Variants in KSR2 observed in about 807,000 individuals in gnomAD.
The protein encoded by KSR2 is kinase suppressor of ras 2.
KSR2 carries 25 observed loss-of-function variants against 107.8 expected under a neutral mutation model. The ratio of observed to expected loss-of-function variants is 0.23; its 90% CI spans 0.17 to 0.32. The LOEUF is 0.32. Among genes scored for constraint, KSR2 ranks in the 10% least tolerant of loss-of-function variants. The probability of loss-of-function intolerance (pLI) is 1.00; values close to 1 mark genes in which losing one functional copy is unlikely to be tolerated. For synonymous variants in KSR2, 480 were observed against 507.0 expected, an observed-to-expected ratio of 0.95 and a Z score of 0.71; for missense variants, 887 against 1,268.9, an observed-to-expected ratio of 0.70 and a Z score of 4.57.
At chr12:117,774,197 C>T (rs1282859179) in intron 3 of KSR2, among the ~76,000 whole-genome samples, 1 of 152,068 alleles carries the variant, frequency 6.6e-6, no homozygotes, top group Non-Finnish European at 1.5e-5. Context: ...TCTGACCTCC[C>T]GAAAGTCAAA....
intron 1 of KSR2, among the ~76,000 whole-genome samples, chr12:117,930,526 T>C (rs915712239): frequency 6.6e-6 from 1 of 152,172 alleles, no homozygotes; most frequent in Non-Finnish European, 1.5e-5. Context: ...TACCTGCCCA[T>C]GGGCCACACT....
chr12:117,833,880 G>A (rs73215967), intron 3 of KSR2, among the ~76,000 whole-genome samples: 3,769 of 152,028 alleles, frequency 0.025, 64 homozygotes, highest in Non-Finnish European at 0.036. Flanking sequence ...ACCTGGCGGG[G>A]CACTTTGGGA....
At chr12:117,840,672 A>G (rs1892431109) in intron 3 of KSR2, among the ~76,000 whole-genome samples, 1 of 152,068 alleles carries the variant, frequency 6.6e-6, no homozygotes, top group Non-Finnish European at 1.5e-5. Flanking sequence ...CTGGGATTAC[A>G]GGCGTAAGCC....
intron 16 of KSR2, among the ~76,000 whole-genome samples, chr12:117,480,198 C>T (rs947181465): frequency 6.6e-6 from 1 of 152,104 alleles, no homozygotes; most frequent in Non-Finnish European, 1.5e-5. Context: ...TTGGGGTGCC[C>T]CTGCCAAAGG....
chr12:117,934,050 A>G (rs920538398), intron 1 of KSR2, among the ~76,000 whole-genome samples: 2 of 152,192 alleles, frequency 1.3e-5, no homozygotes, highest in Non-Finnish European at 2.9e-5. Flanking sequence ...AGACATTCCT[A>G]GTAATATGTT....
At chr12:117,832,175 T>G (rs1891998861) in intron 3 of KSR2, among the ~76,000 whole-genome samples, 1 of 152,128 alleles carries the variant, frequency 6.6e-6, no homozygotes. Context: ...TCCTAGCTAC[T>G]GGGGAGGGTG....
At chr12:117,782,573 A>C (rs2136948431) in intron 3 of KSR2, among the ~76,000 whole-genome samples, 1 of 152,306 alleles carries the variant, frequency 6.6e-6, no homozygotes, top group Middle Eastern at 3.4e-3. Context: ...CCAGAAACAA[A>C]TATTTTTAAA....
Position 117,528,898 on chromosome 12 carries a change from G to A in KSR2, c.1803-1779C>T, listed in dbSNP as rs189017221. On this transcript the variant is annotated intron_variant, in intron 12 of 19. Coordinates refer to ENST00000339824, the MANE Select transcript of KSR2 (RefSeq NM_173598.6). ...CAAGCAGCTATTGACTCTGTTTTTC[G>A]CTGGTACCTCTGGACTGTCAGTTAA... Among the ~76,000 whole-genome samples the A allele has an allele frequency of 2.4e-3, 368 of 152,278 alleles. 1 individual carries two copies. The highest frequency in any genetic ancestry group is 7.9e-3 in the African/African-American group (328 of 41,548).
intron 3 of KSR2, among the ~76,000 whole-genome samples, chr12:117,839,317 G>A (rs188008109): frequency 5.4e-4 from 82 of 152,322 alleles, no homozygotes; most frequent in Non-Finnish European, 1.1e-3. Flanking sequence ...GCTGCGTTTA[G>A]AGTGTACGGT....
At chr12:117,773,604 C>T (rs1481236407) in intron 3 of KSR2, among the ~76,000 whole-genome samples, 1 of 152,170 alleles carries the variant, frequency 6.6e-6, no homozygotes, top group Non-Finnish European at 1.5e-5. Flanking sequence ...ATCAACACTG[C>T]TTGTAACTTT....
intron 4 of KSR2, among the ~76,000 whole-genome samples, chr12:117,716,717 G>A (rs1886996299): frequency 6.6e-6 from 1 of 152,072 alleles, no homozygotes; most frequent in African/African-American, 2.4e-5. Context: ...TCTGACCTTG[G>A]TCCAGTCAAT....
intron 4 of KSR2, among the ~76,000 whole-genome samples, chr12:117,742,279 G>A (rs1420097266): frequency 6.6e-6 from 1 of 152,198 alleles, no homozygotes. Context: ...TCACTATCAA[G>A]GGTGTTATTG....
At chr12:117,957,732 A>T (rs1280034620) in intron 1 of KSR2, among the ~76,000 whole-genome samples, 1 of 142,888 alleles carries the variant, frequency 7.0e-6, no homozygotes, top group Non-Finnish European at 1.5e-5. Flanking sequence ...ATTTATCATG[A>T]CTTAGAATTG....
At chr12:117,565,814 C>T (rs546438161) in intron 7 of KSR2, among the ~76,000 whole-genome samples, 7 of 152,162 alleles carry the variant, frequency 4.6e-5, no homozygotes, top group Non-Finnish European at 1.0e-4. Context: ...ATTGTGTAGT[C>T]ATGTGTAATC....
chr12:117,528,416 C>T (rs1348359806), intron 12 of KSR2, among the ~76,000 whole-genome samples: 2 of 152,078 alleles, frequency 1.3e-5, no homozygotes, highest in East Asian at 3.9e-4. Context: ...TACCCCACCC[C>T]TCCTTTCCTA....
chr12:117,746,117 T>A (rs953386913), intron 4 of KSR2, among the ~76,000 whole-genome samples: 2 of 152,166 alleles, frequency 1.3e-5, no homozygotes, highest in African/African-American at 4.8e-5. Context: ...AGAGCCCTTA[T>A]AGCCAAGACA....
chr12:117,888,233 G>A (rs1028410281), intron 1 of KSR2, among the ~76,000 whole-genome samples: 2 of 152,056 alleles, frequency 1.3e-5, no homozygotes, highest in Admixed American at 6.5e-5. Context: ...TTCAACCCTG[G>A]ACAATGCTTC....
chr12:117,639,164 A>G (rs10437853), intron 5 of KSR2, among the ~76,000 whole-genome samples: 25,208 of 151,974 alleles, frequency 0.17, 2,188 homozygotes, highest in Middle Eastern at 0.24. Flanking sequence ...GCACCTCTTA[A>G]ATTTTGCATC....
chr12:117,676,387 T>TCAAGA (rs1486159449), intron 4 of KSR2, among the ~76,000 whole-genome samples: 1 of 152,242 alleles, frequency 6.6e-6, no homozygotes. Flanking sequence ...TTTTGCATTT[T>TCAAGA]AATAAAATTC....
Sources: gnomAD v4.1 joint callset for allele counts (sites outside exome capture counted in the v4.1 genomes callset) on GRCh38, gnomAD v4.1.1 for gene constraint, MANE v1.5 for transcripts, NCBI Gene and HGNC (gene_info 2026-07-23, HGNC 2026-07-21) for gene names.